ATP8A2: variants seen among roughly 807,000 people sequenced by gnomAD.
ATP8A2 encodes the protein ATPase phospholipid transporting 8A2.
In ATP8A2, 100 loss-of-function variants were observed where a neutral mutation model predicts 165.6. That is an observed-to-expected ratio of 0.60 (90% CI 0.51 to 0.71). ATP8A2 has a LOEUF of 0.71. Among genes scored for constraint, ATP8A2 ranks in the 30% least tolerant of loss-of-function variants. ATP8A2 has a pLI of 0.00. For synonymous variants in ATP8A2, 543 were observed against 548.8 expected (o/e 0.99, Z 0.15); for missense variants, 1,227 against 1,479.5 (o/e 0.83, Z 2.80).
chr13:25,531,338 TATATATG>T lies in ATP8A2; in HGVS notation c.420+685_420+691del, dbSNP rs1238471730. ...TATGTTATATATGATATATATATGT[TATATATG>T]ATATATATGTTATATATGATATATA... On this transcript the variant is annotated intron_variant, in intron 4 of 36. Transcript: ENST00000381655. 1.0e-3 allele frequency among the ~76,000 whole-genome samples: 137 copies of T among 132,074 alleles called. 2 individuals are homozygous for T. The highest frequency in any genetic ancestry group is 3.8e-3 in the Middle Eastern group (1 of 264). 86.6% of individuals were successfully genotyped at this position (132,074 alleles called of 152,430 possible).
intron 15 of ATP8A2, among the ~76,000 whole-genome samples, chr13:25,562,650 G>A (rs760819486): frequency 2.0e-5 from 3 of 152,176 alleles, no homozygotes; most frequent in Non-Finnish European, 4.4e-5. Context: ...GCTGTGTGGA[G>A]GCAGTGGGCC....
intron 24 of ATP8A2, among the ~76,000 whole-genome samples, chr13:25,683,509 A>G (rs1297223895): frequency 6.6e-6 from 1 of 152,136 alleles, no homozygotes; most frequent in Non-Finnish European, 1.5e-5. Flanking sequence ...TTCTGAAATG[A>G]TGGTTGGCAC....
intron 34 of ATP8A2, among the ~76,000 whole-genome samples, chr13:25,964,626 G>T (rs1320697924): frequency 2.0e-5 from 3 of 152,138 alleles, no homozygotes; most frequent in African/African-American, 7.2e-5. Context: ...CCCATCCTTG[G>T]ATTTGAGTTG....
intron 36 of ATP8A2, among the ~76,000 whole-genome samples, chr13:26,013,844 T>C (rs1956904402): frequency 6.6e-6 from 1 of 152,176 alleles, no homozygotes; most frequent in South Asian, 2.1e-4. Context: ...GTATCATTGC[T>C]TTTCAGTAAT....
intron 9 of ATP8A2, 21 bp from the exon 10 acceptor site, chr13:25,543,270 A>G (rs2038540278): frequency 7.0e-7 from 1 of 1,432,444 alleles, no homozygotes; most frequent in Non-Finnish European, 9.8e-7. Flanking sequence ...ATTAAATATC[A>G]TTGTTGTTTT....
chr13:25,804,008 A>G (rs1950675805), intron 27 of ATP8A2, among the ~76,000 whole-genome samples: 1 of 152,250 alleles, frequency 6.6e-6, no homozygotes, highest in Non-Finnish European at 1.5e-5. Context: ...AAGAAATAAC[A>G]AATGATTATA....
intron 25 of ATP8A2, among the ~76,000 whole-genome samples, chr13:25,714,852 G>C (rs1322981551): frequency 1.3e-5 from 2 of 152,150 alleles, no homozygotes; most frequent in Non-Finnish European, 2.9e-5. Flanking sequence ...CTACTTGTAG[G>C]AAATAGATAC....
At chr13:25,692,772 G>C (rs556765943) in intron 24 of ATP8A2, among the ~76,000 whole-genome samples, 1 of 152,128 alleles carries the variant, frequency 6.6e-6, no homozygotes, top group Non-Finnish European at 1.5e-5. Context: ...GAATGCAAAG[G>C]CCATGCTGAC....
intron 24 of ATP8A2, among the ~76,000 whole-genome samples, chr13:25,607,810 T>C (rs938303657): frequency 2.0e-5 from 3 of 152,240 alleles, no homozygotes; most frequent in Non-Finnish European, 4.4e-5. Flanking sequence ...TTTTACACAA[T>C]CTTTAATCCC....
intron 1 of ATP8A2, among the ~76,000 whole-genome samples, chr13:25,389,017 G>A (rs2033152717): frequency 6.6e-6 from 1 of 152,166 alleles, no homozygotes; most frequent in Admixed American, 6.5e-5. Flanking sequence ...AGTGAGCACA[G>A]GACCTGCACC....
At chr13:25,526,873 A>G (rs1298276295) in intron 2 of ATP8A2, among the ~76,000 whole-genome samples, 3 of 152,122 alleles carry the variant, frequency 2.0e-5, no homozygotes, top group Non-Finnish European at 4.4e-5. Flanking sequence ...CTGCCAGGGA[A>G]CTCAAGATGA....
Position 25,921,581 on chromosome 13 carries a change from C to G in ATP8A2, c.3184-39994C>G, listed in dbSNP as rs1311938197. Among the ~76,000 whole-genome samples the G allele has an allele frequency of 2.7e-5, 4 of 148,282 alleles. No homozygotes were observed. The South Asian group carries it at 6.4e-4, about 24-fold the overall frequency. ...GAGGTTGCAGTGAGCCAAGATTGCG[C>G]CATTGCACTCCAGCCTGGCAACAGA... On this transcript the variant is annotated intron_variant, in intron 33 of 36. Coordinates refer to ENST00000381655, the MANE Select transcript of ATP8A2 (RefSeq NM_016529.6).
chr13:25,600,767 G>GTT (rs1203722275), intron 24 of ATP8A2, among the ~76,000 whole-genome samples: 1 of 152,188 alleles, frequency 6.6e-6, no homozygotes, highest in African/African-American at 2.4e-5. Flanking sequence ...CAGCATCTTG[G>GTT]TAAGAAAGGA....
At chr13:25,809,163 A>G (rs1217900388) in intron 27 of ATP8A2, among the ~76,000 whole-genome samples, 1 of 152,148 alleles carries the variant, frequency 6.6e-6, no homozygotes, top group Non-Finnish European at 1.5e-5. Context: ...GATGGGAACA[A>G]CAGACACAGG....
chr13:25,651,964 CATT>C (rs1314571065), intron 24 of ATP8A2, among the ~76,000 whole-genome samples: 2 of 151,954 alleles, frequency 1.3e-5, no homozygotes, highest in African/African-American at 4.8e-5. Flanking sequence ...ATTTTTTTAA[CATT>C]AGTTTTATTT....
At chr13:26,000,902 A>G (rs1029539040) in intron 35 of ATP8A2, among the ~76,000 whole-genome samples, 2 of 152,048 alleles carry the variant, frequency 1.3e-5, no homozygotes, top group African/African-American at 4.8e-5. Context: ...AACATTTACT[A>G]TTTTATAGTT....
At chr13:25,780,555 A>G (rs907345323) in intron 27 of ATP8A2, among the ~76,000 whole-genome samples, 1 of 152,184 alleles carries the variant, frequency 6.6e-6, no homozygotes, top group Non-Finnish European at 1.5e-5. Context: ...CTGTTTAAAA[A>G]TTTGTCAATA....
At chr13:25,755,707 C>G (rs888542205) in intron 25 of ATP8A2, among the ~76,000 whole-genome samples, 1 of 152,078 alleles carries the variant, frequency 6.6e-6, no homozygotes, top group Admixed American at 6.6e-5. Context: ...GAGTTTGAGA[C>G]CAGCCTGGCC....
intron 28 of ATP8A2, among the ~76,000 whole-genome samples, chr13:25,831,735 TG>T (rs1209223088): frequency 1.3e-5 from 2 of 151,016 alleles, no homozygotes; most frequent in Non-Finnish European, 2.9e-5. Context: ...CCCAGCTACT[TG>T]GGAGGCTGAG....
Sources: gnomAD v4.1 joint callset for allele counts (sites outside exome capture counted in the v4.1 genomes callset) on GRCh38, gnomAD v4.1.1 for gene constraint, MANE v1.5 for transcripts, NCBI Gene and HGNC (gene_info 2026-07-23, HGNC 2026-07-21) for gene names.